The following ANOS1 variants were observed in gnomAD, a reference collection of about 807,000 sequenced individuals.
The protein encoded by ANOS1 is anosmin-1.
Under a neutral mutation model 59.0 loss-of-function variants are expected in ANOS1, and 6 were observed. The observed-to-expected ratio is 0.10, with a 90% CI of 0.06 to 0.20. The LOEUF (loss-of-function observed/expected upper bound fraction) is 0.20. Ranked by LOEUF, ANOS1 falls within the 10% of genes least tolerant of loss-of-function variation. The pLI, the probability that ANOS1 is intolerant of heterozygous loss-of-function variation, is 1.00. For missense variants in ANOS1, 433 were observed against 542.3 expected (o/e 0.80, Z 2.00); for synonymous variants, 217 against 223.4 (o/e 0.97, Z 0.25).
intron 3 of ANOS1, among the ~76,000 whole-genome samples, chrX:8,619,348 G>C (rs1381909286): frequency 8.9e-6 from 1 of 111,784 alleles, no homozygotes; most frequent in South Asian, 3.7e-4. Context: ...GCTCACGCCT[G>C]TAATCCCAGC....
Position 8,530,241 on chromosome X carries a change from C to G in ANOS1, c.*2754G>C, listed in dbSNP as rs933264023. 9.0e-6 allele frequency: 1 copy of G among 111,557 alleles called. No homozygotes were observed. The highest frequency in any genetic ancestry group is 1.9e-5 in the Non-Finnish European group (1 of 53,088). 9.2% of individuals were successfully genotyped at this position (111,557 alleles called of 1,213,427 possible). On this transcript the variant is annotated 3_prime_UTR_variant, in exon 14 of 14. Coordinates refer to ENST00000262648, the MANE Select transcript of ANOS1 (RefSeq NM_000216.4). The stretch of plus-strand genomic sequence containing the variant: ...ACTGCAATGTATGTCAGATTAACCA[C>G]CTGTATTTGATGACAATATTTTTGA...
chrX:8,559,842 A>AT (rs1930005964), intron 8 of ANOS1, among the ~76,000 whole-genome samples: 2 of 110,991 alleles, frequency 1.8e-5, no homozygotes, highest in Admixed American at 1.9e-4. Flanking sequence ...GTTTTAAGTA[A>AT]TTTTTTTCTT....
At chrX:8,594,670 A>ATG (rs1569058312) in intron 4 of ANOS1, among the ~76,000 whole-genome samples, 22 of 53,475 alleles carry the variant, frequency 4.1e-4, no homozygotes, top group African/African-American at 1.6e-3. Flanking sequence ...ATATATATAT[A>ATG]TATATATATA....
At chrX:8,704,843 T>G (rs1932772634) in intron 1 of ANOS1, among the ~76,000 whole-genome samples, 1 of 111,822 alleles carries the variant, frequency 8.9e-6, no homozygotes, top group South Asian at 3.7e-4. Context: ...TTTAGCAGTT[T>G]GGGAGTAATC....
At chrX:8,594,690 A>G (rs1427516604) in intron 4 of ANOS1, among the ~76,000 whole-genome samples, 5 of 69,600 alleles carry the variant, frequency 7.2e-5, no homozygotes, top group Non-Finnish European at 1.0e-4. Context: ...ATATATATAT[A>G]TATATATACA....
intron 2 of ANOS1, among the ~76,000 whole-genome samples, chrX:8,640,602 A>T (rs1302278145): frequency 9.1e-6 from 1 of 110,222 alleles, no homozygotes; most frequent in African/African-American, 3.3e-5. Flanking sequence ...AAAAAAAAAA[A>T]AAAAACTGTT....
chrX:8,716,151 A>G (rs915022613), intron 1 of ANOS1, among the ~76,000 whole-genome samples: 3 of 111,752 alleles, frequency 2.7e-5, no homozygotes, highest in African/African-American at 9.8e-5. Flanking sequence ...AGAAGACCTT[A>G]GGACCAGCTC....
At chrX:8,552,386 T>C (rs887452874) in intron 9 of ANOS1, among the ~76,000 whole-genome samples, 2 of 112,450 alleles carry the variant, frequency 1.8e-5, no homozygotes, top group Non-Finnish European at 3.7e-5. Context: ...GCATTCACAC[T>C]GGTACTATTC....
intron 3 of ANOS1, among the ~76,000 whole-genome samples, chrX:8,615,438 G>T (rs1246274134): frequency 9.3e-6 from 1 of 107,972 alleles, no homozygotes; most frequent in Non-Finnish European, 1.9e-5. Context: ...AGCTACTCAG[G>T]AGGCTGAGGC....
At chrX:8,551,905 G>A (rs897158564) in intron 9 of ANOS1, among the ~76,000 whole-genome samples, 3 of 112,384 alleles carry the variant, frequency 2.7e-5, no homozygotes, top group Non-Finnish European at 5.6e-5. Flanking sequence ...CCTGGGAGGC[G>A]GAGGTTGCAG....
intron 8 of ANOS1, among the ~76,000 whole-genome samples, chrX:8,562,234 C>T (rs1930045684): frequency 9.0e-6 from 1 of 111,653 alleles, no homozygotes; most frequent in African/African-American, 3.3e-5. Context: ...AGCTACCGCG[C>T]CCAGCCCTAG....
At chrX:8,620,379 G>C (rs1057083051) in intron 3 of ANOS1, among the ~76,000 whole-genome samples, 2 of 111,800 alleles carry the variant, frequency 1.8e-5, no homozygotes, top group Admixed American at 1.9e-4. Context: ...TAAACATACC[G>C]GGCCGAACAT....
chrX:8,537,950 G>A (rs934451825), intron 10 of ANOS1, among the ~76,000 whole-genome samples: 10 of 111,329 alleles, frequency 9.0e-5, no homozygotes, highest in African/African-American at 3.3e-4. Context: ...TAAGTGAGGA[G>A]TGGAAGTGGC....
chrX:8,721,520 C>CTGTCCTG (rs1932874871), intron 1 of ANOS1, among the ~76,000 whole-genome samples: 1 of 112,290 alleles, frequency 8.9e-6, no homozygotes, highest in African/African-American at 3.2e-5. Flanking sequence ...TAAATGCCTT[C>CTGTCCTG]TGTCCTGTGG....
chrX:8,714,115 C>T (rs1419743852), intron 1 of ANOS1, among the ~76,000 whole-genome samples: 1 of 112,001 alleles, frequency 8.9e-6, no homozygotes, highest in Non-Finnish European at 1.9e-5. Context: ...CGGTCTAGAC[C>T]TCTCTGGCCT....
intron 1 of ANOS1, among the ~76,000 whole-genome samples, chrX:8,729,965 A>T: frequency 9.0e-6 from 1 of 110,997 alleles, no homozygotes; most frequent in Admixed American, 9.6e-5. Flanking sequence ...CCAGCTAATT[A>T]AAATGTAATC....
intron 4 of ANOS1, among the ~76,000 whole-genome samples, chrX:8,595,285 C>T (rs911548881): frequency 1.8e-5 from 2 of 111,061 alleles, no homozygotes; most frequent in South Asian, 3.8e-4. Flanking sequence ...TTTTAAATTT[C>T]GCAAAAGTGA....
intron 3 of ANOS1, among the ~76,000 whole-genome samples, chrX:8,611,095 T>G (rs1452439439): frequency 1.8e-5 from 2 of 110,517 alleles, no homozygotes; most frequent in East Asian, 5.6e-4. Flanking sequence ...GAGGAAAACA[T>G]GGACATAGGG....
chrX:8,540,297 A>G (rs926062831), intron 9 of ANOS1, among the ~76,000 whole-genome samples: 11 of 111,312 alleles, frequency 9.9e-5, no homozygotes, highest in Non-Finnish European at 2.1e-4. Context: ...ATTTCCTGTT[A>G]TGTATTGCCA....
Sources: gnomAD v4.1 joint callset for allele counts (sites outside exome capture counted in the v4.1 genomes callset) on GRCh38, gnomAD v4.1.1 for gene constraint, MANE v1.5 for transcripts, NCBI Gene and HGNC (gene_info 2026-07-23, HGNC 2026-07-21) for gene names.